PTPRT: variants seen among roughly 807,000 people sequenced by gnomAD.
The protein encoded by PTPRT is protein tyrosine phosphatase receptor type T.
PTPRT carries 56 observed loss-of-function variants against 176.8 expected under a neutral mutation model. The observed-to-expected ratio is 0.32, with a 90% CI of 0.26 to 0.40. The LOEUF is 0.40. Ranked by LOEUF, PTPRT falls within the 10% of genes least tolerant of loss-of-function variation. The probability of loss-of-function intolerance (pLI) is 1.00; values close to 1 mark genes in which losing one functional copy is unlikely to be tolerated. For synonymous variants in PTPRT, 783 were observed against 739.0 expected (o/e 1.06, Z -0.96); for missense variants, 1,540 against 1,908.2 (o/e 0.81, Z 3.60).
chr20:42,099,542 TGGGCGG>T (rs1459175782), intron 26 of PTPRT, among the ~76,000 whole-genome samples: 9 of 8,708 alleles, frequency 1.0e-3, no homozygotes, highest in Admixed American at 2.8e-3. Flanking sequence ...GAAAATGGCC[TGGGCGG>T]GGGGGGGGGG....
intron 1 of PTPRT, among the ~76,000 whole-genome samples, chr20:43,158,708 G>T (rs1273377808): frequency 1.3e-5 from 2 of 152,144 alleles, no homozygotes; most frequent in Non-Finnish European, 2.9e-5. Flanking sequence ...AACAATACTG[G>T]TACTCACCAA....
At chr20:42,087,277 C>T (rs1040453541) in intron 27 of PTPRT, among the ~76,000 whole-genome samples, 3 of 152,006 alleles carry the variant, frequency 2.0e-5, no homozygotes, top group South Asian at 2.1e-4. Flanking sequence ...GTTACCTAGG[C>T]GGGAGTGCAG....
At chr20:43,046,884 A>G (rs1276043715) in intron 1 of PTPRT, among the ~76,000 whole-genome samples, 1 of 152,218 alleles carries the variant, frequency 6.6e-6, no homozygotes, top group Non-Finnish European at 1.5e-5. Flanking sequence ...CAGAGAACTG[A>G]GAAATTTCTG....
chr20:42,966,249 C>T (rs1283724683), intron 1 of PTPRT: 1 of 152,188 alleles, frequency 6.6e-6, no homozygotes. Flanking sequence ...TTCTAACATG[C>T]TTGCCAACAC....
intron 12 of PTPRT, among the ~76,000 whole-genome samples, chr20:42,303,163 T>C (rs1047200030): frequency 6.6e-6 from 1 of 152,220 alleles, no homozygotes; most frequent in African/African-American, 2.4e-5. Flanking sequence ...GCAGCTCTTA[T>C]CTGACCTTAA....
At chr20:42,346,869 T>A (rs1600866880) in intron 11 of PTPRT, among the ~76,000 whole-genome samples, 1 of 152,138 alleles carries the variant, frequency 6.6e-6, no homozygotes, top group African/African-American at 2.4e-5. Context: ...AGCTCACAAG[T>A]GATAGACCGG....
intron 6 of PTPRT, among the ~76,000 whole-genome samples, chr20:42,729,739 A>T (rs934645587): frequency 2.0e-5 from 3 of 152,228 alleles, no homozygotes; most frequent in Admixed American, 6.5e-5. Flanking sequence ...ATCCATTCAG[A>T]TCTCTTGGGG....
chr20:42,973,165 G>A (rs980309899), intron 1 of PTPRT, among the ~76,000 whole-genome samples: 2 of 151,916 alleles, frequency 1.3e-5, no homozygotes, highest in African/African-American at 4.8e-5. Context: ...GGAGCCAAGA[G>A]TGTGAGAGGG....
intron 1 of PTPRT, among the ~76,000 whole-genome samples, chr20:42,919,621 T>C (rs1444325355): frequency 6.6e-6 from 1 of 152,228 alleles, no homozygotes; most frequent in Non-Finnish European, 1.5e-5. Context: ...GCCAAGTGTT[T>C]TGCAAATATT....
chr20:42,919,387 T>C (rs1410156474), intron 1 of PTPRT, among the ~76,000 whole-genome samples: 1 of 152,176 alleles, frequency 6.6e-6, no homozygotes, highest in Non-Finnish European at 1.5e-5. Context: ...AACACAGGTC[T>C]ACAGATGGAT....
intron 1 of PTPRT, among the ~76,000 whole-genome samples, chr20:43,075,849 T>C (rs1233335356): frequency 6.6e-6 from 1 of 152,190 alleles, no homozygotes; most frequent in Non-Finnish European, 1.5e-5. Context: ...TTCTAAAGCT[T>C]TTGCATAAAG....
At chr20:42,957,942 T>C (rs1981737387) in intron 1 of PTPRT, among the ~76,000 whole-genome samples, 1 of 151,740 alleles carries the variant, frequency 6.6e-6, no homozygotes, top group Admixed American at 6.6e-5. Context: ...TATCAATTAA[T>C]ATTGGGTACT....
chr20:42,156,484 A>C (rs1568976846), intron 17 of PTPRT, among the ~76,000 whole-genome samples: 1 of 152,102 alleles, frequency 6.6e-6, no homozygotes, highest in Non-Finnish European at 1.5e-5. Context: ...ATAACTCCCA[A>C]AGCTTTCTCT....
intron 19 of PTPRT, among the ~76,000 whole-genome samples, 178 bp downstream of exon 19, chr20:42,128,576 G>A (rs990909700): frequency 1.3e-5 from 2 of 152,162 alleles, no homozygotes; most frequent in African/African-American, 4.8e-5. Flanking sequence ...ACTACAGCTA[G>A]CCTGAAAGTG....
chr20:42,320,345 T>C (rs1420479358), intron 11 of PTPRT, among the ~76,000 whole-genome samples: 2 of 152,178 alleles, frequency 1.3e-5, no homozygotes, highest in Non-Finnish European at 2.9e-5. Flanking sequence ...CAGATTCCAC[T>C]GAGGGGGACC....
chr20:42,264,700 C>T (rs903707170), intron 13 of PTPRT, among the ~76,000 whole-genome samples: 3 of 152,258 alleles, frequency 2.0e-5, no homozygotes, highest in Non-Finnish European at 2.9e-5. Context: ...CCTATCTCAG[C>T]TCTCAGTCTT....
intron 15 of PTPRT, among the ~76,000 whole-genome samples, chr20:42,221,623 G>A (rs534011241): frequency 7.3e-5 from 11 of 151,146 alleles, no homozygotes; most frequent in South Asian, 2.1e-4. Context: ...AGGTTCAAGC[G>A]ATTTTCATGC....
At chr20:42,092,912 T>C (rs1984781364) in intron 27 of PTPRT, among the ~76,000 whole-genome samples, 1 of 152,214 alleles carries the variant, frequency 6.6e-6, no homozygotes. Flanking sequence ...CCCTGATCTC[T>C]CAGGCTTTCC....
intron 7 of PTPRT, among the ~76,000 whole-genome samples, chr20:42,645,187 T>C (rs1402411131): frequency 2.0e-5 from 3 of 152,114 alleles, no homozygotes; most frequent in Non-Finnish European, 2.9e-5. Context: ...GACAAAACCC[T>C]ACCTGCAGCC....
Sources: allele counts gnomAD v4.1 joint callset (sites outside exome capture counted in the v4.1 genomes callset), GRCh38; gene constraint gnomAD v4.1.1; transcripts MANE v1.5; gene names NCBI Gene and HGNC (gene_info 2026-07-23, HGNC 2026-07-21).